PALM2AKAP2: variants seen among roughly 807,000 people sequenced by gnomAD.
PALM2AKAP2 encodes PALM2 and AKAP2 fusion, also known as PALM2-AKAP2 fusion protein.
Under a neutral mutation model 71.5 loss-of-function variants are expected in PALM2AKAP2, and 37 were observed. The observed-to-expected ratio is 0.52, with a 90% CI of 0.40 to 0.68. The LOEUF is 0.68. PALM2AKAP2 is among the 30% of genes least tolerant of loss of function. PALM2AKAP2 has a pLI of 0.00. For missense variants in PALM2AKAP2, 1,224 were observed against 1,191.8 expected (o/e 1.03, Z -0.40); for synonymous variants, 468 against 478.8 (o/e 0.98, Z 0.29).
chr9:110,069,590 C>T (rs1834161676), intron 1 of PALM2AKAP2, among the ~76,000 whole-genome samples: 1 of 152,158 alleles, frequency 6.6e-6, no homozygotes, highest in Non-Finnish European at 1.5e-5. Context: ...TCTAGACGAT[C>T]TTGTGGGCCT....
At chr9:109,660,052 T>G (rs1827367119) in intron 1 of PALM2AKAP2, among the ~76,000 whole-genome samples, 2 of 152,210 alleles carry the variant, frequency 1.3e-5, no homozygotes, top group East Asian at 3.9e-4. Flanking sequence ...CAGGCTGGTC[T>G]CAAACTCCTG....
chr9:109,725,792 A>T (rs748483971), intron 1 of PALM2AKAP2, among the ~76,000 whole-genome samples: 2 of 152,228 alleles, frequency 1.3e-5, no homozygotes, highest in African/African-American at 2.4e-5. Flanking sequence ...CTCCAAAAAA[A>T]GTCTTAAAAA....
At chr9:109,915,617 T>G (rs978009337) in intron 3 of PALM2AKAP2, among the ~76,000 whole-genome samples, 3 of 152,188 alleles carry the variant, frequency 2.0e-5, no homozygotes, top group African/African-American at 7.2e-5. Flanking sequence ...GTTGCAGATT[T>G]TTTTACTTCA....
chr9:109,750,465 A>G (rs7849027), intron 1 of PALM2AKAP2, among the ~76,000 whole-genome samples: 32,902 of 152,150 alleles, frequency 0.22, 3,798 homozygotes, highest in East Asian at 0.37. Flanking sequence ...CATGTTAAAA[A>G]AATCATGCAA....
At chr9:110,008,770 C>A (rs2132310047) in intron 6 of PALM2AKAP2, among the ~76,000 whole-genome samples, 1 of 152,234 alleles carries the variant, frequency 6.6e-6, no homozygotes, top group East Asian at 1.9e-4. Context: ...CTTAGGCTAA[C>A]AGAATTGCCA....
chr9:109,895,295 T>C (rs1812438783), intron 3 of PALM2AKAP2, among the ~76,000 whole-genome samples: 1 of 152,192 alleles, frequency 6.6e-6, no homozygotes, highest in African/African-American at 2.4e-5. Flanking sequence ...AGTCTGCTGG[T>C]CTTGGGGCTG....
chr9:110,097,384 C>CTCAATCTT (rs1186320782), intron 1 of PALM2AKAP2, among the ~76,000 whole-genome samples: 9 of 149,028 alleles, frequency 6.0e-5, no homozygotes, highest in Admixed American at 4.6e-4. Flanking sequence ...CATCCGATTT[C>CTCAATCTT]TCAATCTTTT....
At chr9:110,066,082 A>G (rs992567794) in intron 1 of PALM2AKAP2, among the ~76,000 whole-genome samples, 3 of 152,234 alleles carry the variant, frequency 2.0e-5, no homozygotes, top group Admixed American at 6.5e-5. Flanking sequence ...CACTATCCCT[A>G]GCAAAGATGC....
intron 1 of PALM2AKAP2, among the ~76,000 whole-genome samples, chr9:109,775,077 C>T (rs967400420): frequency 6.6e-6 from 1 of 152,178 alleles, no homozygotes; most frequent in Admixed American, 6.5e-5. Flanking sequence ...TCATTCTAAT[C>T]TATTATGTGA....
At chr9:109,986,401 C>T (rs1315177884) in intron 6 of PALM2AKAP2, among the ~76,000 whole-genome samples, 2 of 152,074 alleles carry the variant, frequency 1.3e-5, no homozygotes, top group Admixed American at 6.6e-5. Context: ...AGAGAAATTC[C>T]AAAAATAAAG....
At chr9:110,013,458 G>A (rs1571260) in intron 6 of PALM2AKAP2, among the ~76,000 whole-genome samples, 38,892 of 152,034 alleles carry the variant, frequency 0.26, 7,903 homozygotes, top group African/African-American at 0.57. Flanking sequence ...GTTATTAGTC[G>A]GTTAAAAGCA....
intron 3 of PALM2AKAP2, among the ~76,000 whole-genome samples, chr9:110,167,324 C>A (rs1836761076): frequency 6.6e-6 from 1 of 152,214 alleles, no homozygotes; most frequent in South Asian, 2.1e-4. Flanking sequence ...CCAATGTTGG[C>A]TCTACTGGAC....
intron 1 of PALM2AKAP2, among the ~76,000 whole-genome samples, chr9:110,133,394 T>A (rs144361363): frequency 3.3e-5 from 5 of 152,282 alleles, no homozygotes; most frequent in African/African-American, 1.2e-4. Flanking sequence ...TACAGAGAAC[T>A]CATTTTTTTT....
At chr9:109,661,576 A>T (rs1025409199) in intron 1 of PALM2AKAP2, among the ~76,000 whole-genome samples, 6 of 152,158 alleles carry the variant, frequency 3.9e-5, no homozygotes, top group African/African-American at 1.4e-4. Context: ...GCCTTGTAGT[A>T]TAGTTTGAAG....
chr9:109,677,537 G>A (rs758434794), intron 1 of PALM2AKAP2, among the ~76,000 whole-genome samples: 27 of 151,918 alleles, frequency 1.8e-4, no homozygotes, highest in African/African-American at 3.9e-4. Context: ...GCGCAGTGGC[G>A]GGCACCTGTA....
intron 1 of PALM2AKAP2, among the ~76,000 whole-genome samples, chr9:110,127,190 G>C (rs888847496): frequency 1.3e-5 from 2 of 152,194 alleles, no homozygotes; most frequent in African/African-American, 4.8e-5. Context: ...TTTCTTTTTA[G>C]AACTGCCCTA....
intron 6 of PALM2AKAP2, among the ~76,000 whole-genome samples, chr9:109,972,542 T>TA (rs1487343882): frequency 6.6e-6 from 1 of 152,242 alleles, no homozygotes; most frequent in African/African-American, 2.4e-5. Flanking sequence ...TGCTGCTGAC[T>TA]GGCTGGATGA....
chr9:109,794,509 A>G (rs1214678997), intron 1 of PALM2AKAP2, among the ~76,000 whole-genome samples: 1 of 151,314 alleles, frequency 6.6e-6, no homozygotes, highest in Non-Finnish European at 1.5e-5. Flanking sequence ...AGAGCACACC[A>G]GCCACATTCC....
At chr9:109,929,895 A>G (rs1831054625) in intron 5 of PALM2AKAP2, among the ~76,000 whole-genome samples, 1 of 150,272 alleles carries the variant, frequency 6.7e-6, no homozygotes, top group Non-Finnish European at 1.5e-5. Flanking sequence ...AAAGAGAGAG[A>G]ATCATGGAGG....
Sources: gnomAD v4.1 joint callset for allele counts (sites outside exome capture counted in the v4.1 genomes callset) on GRCh38, gnomAD v4.1.1 for gene constraint, MANE v1.5 for transcripts, NCBI Gene and HGNC (gene_info 2026-07-23, HGNC 2026-07-21) for gene names.